Variants in SETD2 observed in about 807,000 individuals in gnomAD.
The protein encoded by SETD2 is histone-lysine N-methyltransferase SETD2.
SETD2 carries 31 observed loss-of-function variants against 242.1 expected under a neutral mutation model. That is an observed-to-expected ratio of 0.13 (90% CI 0.10 to 0.17). The LOEUF is 0.17. Ranked by LOEUF, SETD2 falls within the 10% of genes least tolerant of loss-of-function variation. The pLI, the probability that SETD2 is intolerant of heterozygous loss-of-function variation, is 1.00. For missense variants in SETD2, 2,481 were observed against 3,046.3 expected, an observed-to-expected ratio of 0.81 and a Z score of 4.37; for synonymous variants, 1,006 against 1,066.5, an observed-to-expected ratio of 0.94 and a Z score of 1.11.
chr3:47,088,385 G>C lies in SETD2; in HGVS notation c.5143-138C>G, dbSNP rs985559127. On this transcript the variant is annotated intron_variant, in intron 9 of 20. Coordinates refer to ENST00000409792, the MANE Select transcript of SETD2 (RefSeq NM_014159.7). ...CCAAACTGGGAAAGTACTAGACTGG[G>C]GGAAAAAGTTAAGAAGGCTGATAAT... is the stretch of plus-strand genomic sequence containing the variant. The C allele has an allele frequency of 6.8e-6, 5 of 736,072 alleles. No individual in the cohort carries two copies. In the South Asian group the frequency reaches 9.8e-5, roughly 14 times the overall value. The allele number at this position is 736,072 out of a possible 1,614,324, so 45.6% of individuals were successfully genotyped here. A position where few individuals can be genotyped will look rare whatever the true frequency, so the allele number is the denominator to read the frequency against.
Position 47,046,384 on chromosome 3 carries a change from AAAAACCCAAAAAT to A in SETD2, c.7098+90_7098+102del, listed in dbSNP as rs954219353. 8 of 1,081,014 alleles carry A rather than the reference AAAAACCCAAAAAT, an allele frequency of 7.4e-6. No individual in the cohort carries two copies. In the Admixed American group the frequency reaches 1.6e-4, roughly 22 times the overall value. The allele number at this position is 1,081,014 out of a possible 1,614,324, so 67.0% of individuals were successfully genotyped here. ...AAATAAAACAAAGAACACGTGAAAA[AAAAACCCAAAAAT>A]AAAACCCAAAACAAATCCAAACCAA... On this transcript the variant is annotated intron_variant, in intron 16 of 20. Coordinates refer to ENST00000409792, the MANE Select transcript of SETD2 (RefSeq NM_014159.7).
rs775259096 is a variant in SETD2 at position 47,050,723 on chromosome 3, CTTTTTTTTTTTTTTT to C, written c.6964-4117_6964-4103del. Among the ~76,000 whole-genome samples, 6 of 66,882 alleles carry C rather than the reference CTTTTTTTTTTTTTTT, an allele frequency of 9.0e-5. No homozygotes were observed. In the South Asian group the frequency reaches 4.1e-3, roughly 45 times the overall value. 43.9% of individuals were successfully genotyped at this position (66,882 alleles called of 152,430 possible). A position where few individuals can be genotyped will look rare whatever the true frequency, so the allele number is the denominator to read the frequency against. ...CTCAACCTGTATACATTTCCTCTCT[CTTTTTTTTTTTTTTT>C]TTTTTTTTTTGAGACAGAGTCTCAC... is the stretch of plus-strand genomic sequence containing the variant. On this transcript the variant is annotated intron_variant, in intron 15 of 20. Coordinates refer to ENST00000409792, the MANE Select transcript of SETD2 (RefSeq NM_014159.7).
chr3:47,156,099 G>A (rs1470643637), intron 1 of SETD2, among the ~76,000 whole-genome samples: 1 of 152,140 alleles, frequency 6.6e-6, no homozygotes, highest in East Asian at 1.9e-4. Flanking sequence ...CTCCAGCAGA[G>A]CCACGTAATA....
At chr3:47,019,734 T>G in intron 19 of SETD2, 26 bp downstream of exon 19, 1 of 1,579,964 alleles carries the variant, frequency 6.3e-7, no homozygotes, top group South Asian at 1.1e-5. Flanking sequence ...CTGAGGAGCT[T>G]AGTGCTTATA....
At chr3:47,063,123 C>T (rs2040410055) in intron 13 of SETD2, among the ~76,000 whole-genome samples, 1 of 152,146 alleles carries the variant, frequency 6.6e-6, no homozygotes, top group Non-Finnish European at 1.5e-5. Flanking sequence ...TCCTTATAGG[C>T]TGGTTTCATA....
Position 47,123,316 on chromosome 3 carries a change from A to G in SETD2, c.1320T>C (p.Tyr440=). 3 of 1,551,678 alleles carry G rather than the reference A, an allele frequency of 1.9e-6. No individual in the cohort carries two copies. The highest frequency in any genetic ancestry group is 2.6e-6 in the Non-Finnish European group (3 of 1,146,996). Residue 440 remains tyrosine (Y), a synonymous_variant, in exon 3 of 21, where the codon TAT becomes TAC. Coordinates refer to ENST00000409792, the MANE Select transcript of SETD2 (RefSeq NM_014159.7). ...SDRRYHRSSP[Y]RERTRYSRPY... is the part of the protein sequence containing the mutation. ...GCCGAGAATAGCGCGTCCTCTCTCG[A>G]TAAGGGGAGCTCCTATGGTAGCGAC...
chr3:47,067,183 G>T, intron 12 of SETD2, 65 bp from the exon 13 acceptor site: 3 of 1,175,302 alleles, frequency 2.6e-6, no homozygotes, highest in South Asian at 2.5e-5. Flanking sequence ...CTTTGAAACT[G>T]ACTGTTTTCA....
intron 12 of SETD2, among the ~76,000 whole-genome samples, chr3:47,069,692 T>A (rs1206814015): frequency 6.6e-6 from 1 of 151,998 alleles, no homozygotes; most frequent in African/African-American, 2.4e-5. Context: ...AGAGAGGGGG[T>A]ACATTCCCAT....
intron 1 of SETD2, among the ~76,000 whole-genome samples, chr3:47,147,691 A>C (rs547082452): frequency 1.9e-4 from 29 of 151,786 alleles, no homozygotes; most frequent in African/African-American, 6.7e-4. Context: ...TGGGAGGCCA[A>C]GGCGGGCAGA....
chr3:47,114,833 T>C (rs892407765), intron 4 of SETD2, among the ~76,000 whole-genome samples: 2 of 146,866 alleles, frequency 1.4e-5, no homozygotes, highest in Non-Finnish European at 1.5e-5. Context: ...GAGTCAAGAT[T>C]GTGCCACTGC....
chr3:47,134,776 G>A (rs1030050023), intron 1 of SETD2, among the ~76,000 whole-genome samples: 1 of 151,988 alleles, frequency 6.6e-6, no homozygotes, highest in African/African-American at 2.4e-5. Context: ...GGCATGTGCC[G>A]CCACACATGG....
At chr3:47,065,520 T>TGG (rs1185701790) in intron 13 of SETD2, among the ~76,000 whole-genome samples, 2 of 152,146 alleles carry the variant, frequency 1.3e-5, no homozygotes, top group African/African-American at 2.4e-5. Context: ...TTCTTAAGGC[T>TGG]GGGCATAGTG....
intron 9 of SETD2, among the ~76,000 whole-genome samples, chr3:47,092,481 T>C (rs2041844339): frequency 6.7e-6 from 1 of 150,052 alleles, no homozygotes; most frequent in South Asian, 2.1e-4. Context: ...TATTTTTAAA[T>C]TATTGATAAA....
intron 1 of SETD2, among the ~76,000 whole-genome samples, chr3:47,159,849 C>T (rs1697435731): frequency 6.6e-6 from 1 of 152,034 alleles, no homozygotes; most frequent in Non-Finnish European, 1.5e-5. Flanking sequence ...GTGGCAGGCG[C>T]CTGTAATCCC....
intron 17 of SETD2, among the ~76,000 whole-genome samples, chr3:47,038,893 G>C (rs1168006782): frequency 6.6e-6 from 1 of 152,154 alleles, no homozygotes; most frequent in Non-Finnish European, 1.5e-5. Context: ...TAACAAATCT[G>C]GCAGGTCAGT....
chr3:47,038,453 T>C, intron 17 of SETD2, among the ~76,000 whole-genome samples: 1 of 151,858 alleles, frequency 6.6e-6, no homozygotes, highest in East Asian at 1.9e-4. Flanking sequence ...ATCTCTACTA[T>C]AAATACAAAA....
intron 8 of SETD2, among the ~76,000 whole-genome samples, chr3:47,100,894 C>T (rs2042182983): frequency 6.6e-6 from 1 of 150,710 alleles, no homozygotes; most frequent in South Asian, 2.1e-4. Flanking sequence ...CCTGTAGTAC[C>T]AGCTGCTCAG....
intron 3 of SETD2, among the ~76,000 whole-genome samples, chr3:47,119,169 G>GT (rs1000609161): frequency 6.6e-6 from 1 of 152,004 alleles, no homozygotes; most frequent in Non-Finnish European, 1.5e-5. Context: ...TTTTGTTTTG[G>GT]TTTTTTAAGC....
At chr3:47,148,226 G>A (rs953720883) in intron 1 of SETD2, among the ~76,000 whole-genome samples, 1 of 151,978 alleles carries the variant, frequency 6.6e-6, no homozygotes, top group Non-Finnish European at 1.5e-5. Context: ...TGCCTCCTGG[G>A]TTCAAACAAT....
Sources: allele counts gnomAD v4.1 joint callset (sites outside exome capture counted in the v4.1 genomes callset), GRCh38; gene constraint gnomAD v4.1.1; transcripts MANE v1.5; gene names NCBI Gene and HGNC (gene_info 2026-07-23, HGNC 2026-07-21).